Variants in MEOX2 observed in about 807,000 individuals in gnomAD.
MEOX2 encodes the protein homeobox protein MOX-2.
MEOX2 carries 11 observed loss-of-function variants against 27.0 expected under a neutral mutation model. That is an observed-to-expected ratio of 0.41 (90% CI 0.26 to 0.68). The LOEUF is 0.68. MEOX2 is among the 30% of genes least tolerant of loss of function. The pLI is 0.33. For missense variants in MEOX2, 436 were observed against 385.4 expected (o/e 1.13, Z -1.10); for synonymous variants, 189 against 155.4 (o/e 1.22, Z -1.61).
chr7:15,673,322 A>G (rs1782133999), intron 1 of MEOX2, among the ~76,000 whole-genome samples: 2 of 152,168 alleles, frequency 1.3e-5, no homozygotes, highest in African/African-American at 2.4e-5. Flanking sequence ...TGATTAGTGT[A>G]GGGAGGTAGT....
At chr7:15,661,809 T>A (rs1781923720) in intron 1 of MEOX2, among the ~76,000 whole-genome samples, 3 of 152,194 alleles carry the variant, frequency 2.0e-5, no homozygotes. Context: ...TTAGTACCAC[T>A]CTACCTGCTT....
At chr7:15,630,990 C>T (rs191336558) in intron 1 of MEOX2, among the ~76,000 whole-genome samples, 182 of 151,906 alleles carry the variant, frequency 1.2e-3, no homozygotes, top group African/African-American at 4.1e-3. Context: ...ACAGTCATAG[C>T]GAGCTACTAT....
At chr7:15,667,259 C>CT (rs1782022370) in intron 1 of MEOX2, among the ~76,000 whole-genome samples, 1 of 115,830 alleles carries the variant, frequency 8.6e-6, no homozygotes. Context: ...CCACTGCACT[C>CT]CAGCCTGGCA....
chr7:15,666,766 AAAAAAAAAAAAAAATATAT>A (rs1325345971), intron 1 of MEOX2, among the ~76,000 whole-genome samples: 3 of 79,928 alleles, frequency 3.8e-5, no homozygotes, highest in South Asian at 4.1e-4. Flanking sequence ...AAAAAAAAAA[AAAAAAAAAAAAAAATATAT>A]ATATATATAT....
rs1782369129 is a variant in MEOX2, at chr7:15,685,774, C to T, written c.517+112G>A. 1.7e-5 allele frequency: 24 copies of T among 1,413,028 alleles called. No individual in the cohort carries two copies. The South Asian group carries it at 3.3e-4, about 19-fold the overall frequency. The allele number at this position is 1,413,028 out of a possible 1,614,324, so 87.5% of individuals were successfully genotyped here. ...GGCCGCAGGAAGCCACAGAGGGCAA[C>T]ACATTCCCATCTTCCCTGCTGCCAC... On this transcript the variant is annotated intron_variant, in intron 1 of 2. Coordinates refer to ENST00000262041, the MANE Select transcript of MEOX2 (RefSeq NM_005924.5).
At chr7:15,621,089 A>G (rs1487018518) in intron 2 of MEOX2, among the ~76,000 whole-genome samples, 1 of 152,228 alleles carries the variant, frequency 6.6e-6, no homozygotes, top group Admixed American at 6.5e-5. Context: ...AGCTTGTCCA[A>G]ATTAAAAATA....
intron 1 of MEOX2, among the ~76,000 whole-genome samples, chr7:15,631,027 T>C (rs1387378721): frequency 6.6e-6 from 1 of 151,872 alleles, no homozygotes; most frequent in Non-Finnish European, 1.5e-5. Flanking sequence ...GATTATACAC[T>C]AAGGTGTGTG....
intron 1 of MEOX2, among the ~76,000 whole-genome samples, chr7:15,684,764 A>AACGC (rs751425134): frequency 1.3e-5 from 2 of 152,258 alleles, no homozygotes; most frequent in Non-Finnish European, 2.9e-5. Context: ...TATTAAACAA[A>AACGC]TGACACCTTC....
chr7:15,647,330 C>G (rs1381122045), intron 1 of MEOX2, among the ~76,000 whole-genome samples: 1 of 152,062 alleles, frequency 6.6e-6, no homozygotes, highest in Non-Finnish European at 1.5e-5. Flanking sequence ...CCCACCATAG[C>G]AGTATCTCAG....
intron 1 of MEOX2, among the ~76,000 whole-genome samples, chr7:15,665,661 C>G (rs987577069): frequency 2.0e-5 from 3 of 152,074 alleles, no homozygotes; most frequent in Non-Finnish European, 4.4e-5. Context: ...GAATTACATC[C>G]CTTTTAGATT....
At chr7:15,624,404 G>T (rs749837872) in intron 2 of MEOX2, among the ~76,000 whole-genome samples, 7 of 152,168 alleles carry the variant, frequency 4.6e-5, no homozygotes, top group Admixed American at 6.6e-5. Flanking sequence ...GATTATTTCA[G>T]GAATGACTTC....
At chr7:15,668,789 T>C (rs1338554128) in intron 1 of MEOX2, among the ~76,000 whole-genome samples, 1 of 152,140 alleles carries the variant, frequency 6.6e-6, no homozygotes, top group African/African-American at 2.4e-5. Flanking sequence ...AGTTACGTTT[T>C]AGGAGACTTG....
Position 15,638,361 on chromosome 7 carries a change from C to A in MEOX2, c.518-11443G>T, listed in dbSNP as rs568614106. On this transcript the variant is annotated intron_variant, in intron 1 of 2. Transcript: ENST00000262041. ...AATGGCATTATCTTTTATTTATGTA[C>A]GTTTGTATGTGCATGGGCATATATA... 5.4e-4 allele frequency among the ~76,000 whole-genome samples: 82 copies of A among 152,022 alleles called. No homozygotes were observed. In the Middle Eastern group the frequency reaches 0.01, roughly 19 times the overall value.
intron 1 of MEOX2, among the ~76,000 whole-genome samples, chr7:15,643,329 G>A (rs1166348864): frequency 2.0e-5 from 3 of 152,142 alleles, no homozygotes; most frequent in Non-Finnish European, 2.9e-5. Context: ...GCTGGAGGTG[G>A]CAAAGCTGGG....
At chr7:15,637,792 T>A (rs1394042146) in intron 1 of MEOX2, among the ~76,000 whole-genome samples, 2 of 152,050 alleles carry the variant, frequency 1.3e-5, no homozygotes, top group Admixed American at 6.6e-5. Context: ...TGCTACTTAC[T>A]GTGTGGTCTT....
chr7:15,653,393 T>C (rs1218861960), intron 1 of MEOX2, among the ~76,000 whole-genome samples: 1 of 152,004 alleles, frequency 6.6e-6, no homozygotes, highest in Non-Finnish European at 1.5e-5. Flanking sequence ...TTATCAGATA[T>C]GTGGTTTGGT....
chr7:15,666,075 G>A (rs920918398), intron 1 of MEOX2, among the ~76,000 whole-genome samples: 1 of 152,082 alleles, frequency 6.6e-6, no homozygotes, highest in Admixed American at 6.5e-5. Flanking sequence ...GGTATTAACA[G>A]CTCTCAAGAT....
rs1246784895 is a variant in MEOX2 at position 15,612,315 on chromosome 7, T to G, written c.*72A>C. On this transcript the variant is annotated 3_prime_UTR_variant, in exon 3 of 3. Coordinates refer to ENST00000262041, the MANE Select transcript of MEOX2 (RefSeq NM_005924.5). ...TCACTGCCATAGTCATCTCTCTGTG[T>G]AAACGATATTTGGGTAAGGCTTGCC... is the stretch of plus-strand genomic sequence containing the variant. The G allele has an allele frequency of 8.5e-7, 1 of 1,177,968 alleles. No individual in the cohort carries two copies. The highest frequency in any genetic ancestry group is 1.5e-5 in the African/African-American group (1 of 66,116). 73.0% of individuals were successfully genotyped at this position (1,177,968 alleles called of 1,614,324 possible). A position where few individuals can be genotyped will look rare whatever the true frequency, so the allele number is the denominator to read the frequency against.
intron 1 of MEOX2, among the ~76,000 whole-genome samples, chr7:15,636,738 T>C (rs528472506): frequency 3.0e-4 from 45 of 152,070 alleles, no homozygotes; most frequent in Non-Finnish European, 5.6e-4. Flanking sequence ...AGTGAATAAT[T>C]TATTTTAAAA....
Sources: gnomAD v4.1 joint callset for allele counts (sites outside exome capture counted in the v4.1 genomes callset) on GRCh38, gnomAD v4.1.1 for gene constraint, MANE v1.5 for transcripts, NCBI Gene and HGNC (gene_info 2026-07-23, HGNC 2026-07-21) for gene names.